MYO5A: variants seen among roughly 807,000 people sequenced by gnomAD.
MYO5A encodes the protein unconventional myosin-Va.
Under a neutral mutation model 249.7 loss-of-function variants are expected in MYO5A, and 98 were observed. The ratio of observed to expected loss-of-function variants is 0.39; its 90% CI spans 0.33 to 0.46. The LOEUF (loss-of-function observed/expected upper bound fraction) is 0.46, where lower values mean the gene tolerates loss of function less well. Ranked by LOEUF, MYO5A falls within the 20% of genes least tolerant of loss-of-function variation. MYO5A has a pLI of 0.98. For missense variants in MYO5A, 1,696 were observed against 2,308.8 expected (o/e 0.73, Z 5.44); for synonymous variants, 778 against 810.6 (o/e 0.96, Z 0.68).
chr15:52,458,495 C>G (rs144725435), intron 1 of MYO5A, among the ~76,000 whole-genome samples: 1 of 151,892 alleles, frequency 6.6e-6, no homozygotes, highest in African/African-American at 2.4e-5. Flanking sequence ...TGGCATGCAC[C>G]TGTAGTCCCC....
Position 52,501,845 on chromosome 15 carries a change from T to TAC in MYO5A, c.27+26933_27+26934dup, listed in dbSNP as rs1166403955. On this transcript the variant is annotated intron_variant, in intron 1 of 41. Transcript: ENST00000399233. ...AGTATAAACTTCCATAACATAGGCA[T>TAC]ACACACAGACACACACACACATACA... Among the ~76,000 whole-genome samples the TAC allele has an allele frequency of 3.5e-5, 5 of 144,702 alleles. No homozygotes were observed. In the South Asian group the frequency reaches 6.5e-4, roughly 19 times the overall value. 94.9% of individuals were successfully genotyped at this position (144,702 alleles called of 152,430 possible). A position where few individuals can be genotyped will look rare whatever the true frequency, so the allele number is the denominator to read the frequency against.
At chr15:52,484,690 G>A (rs1478408759) in intron 1 of MYO5A, among the ~76,000 whole-genome samples, 1 of 152,030 alleles carries the variant, frequency 6.6e-6, no homozygotes, top group Non-Finnish European at 1.5e-5. Context: ...TGTCCCCCAG[G>A]CTGGAGTGCA....
intron 1 of MYO5A, among the ~76,000 whole-genome samples, chr15:52,489,308 T>C (rs2076886598): frequency 6.6e-6 from 1 of 152,186 alleles, no homozygotes; most frequent in Non-Finnish European, 1.5e-5. Context: ...CTCATGCCTG[T>C]AATCCCAGCA....
intron 20 of MYO5A, among the ~76,000 whole-genome samples, chr15:52,374,183 G>A (rs7163778): frequency 0.88 from 134,277 of 152,132 alleles, 61,509 homozygotes; most frequent in Non-Finnish European, 1. Flanking sequence ...ATGGTCACAG[G>A]TGATAATTAA....
chr15:52,470,652 C>T (rs1369539967), intron 1 of MYO5A, among the ~76,000 whole-genome samples: 2 of 150,910 alleles, frequency 1.3e-5, no homozygotes, highest in Non-Finnish European at 3.0e-5. Context: ...CTCCATCCCC[C>T]CTCAAAAAAA....
At chr15:52,519,590 C>A in intron 1 of MYO5A, among the ~76,000 whole-genome samples, 1 of 149,142 alleles carries the variant, frequency 6.7e-6, no homozygotes. Context: ...CTAGTGTGGG[C>A]AACAGAACGA....
chr15:52,456,075 C>G (rs894111369), intron 1 of MYO5A, among the ~76,000 whole-genome samples: 2 of 151,834 alleles, frequency 1.3e-5, no homozygotes, highest in African/African-American at 4.8e-5. Context: ...AAAACGCCAC[C>G]AAATAAAACT....
intron 40 of MYO5A, 63 bp downstream of exon 40, chr15:52,316,985 A>T (rs2140915248): frequency 6.5e-7 from 1 of 1,544,062 alleles, no homozygotes; most frequent in East Asian, 2.2e-5. Flanking sequence ...GGACTTCTTT[A>T]CTTCCCTAAA....
chr15:52,527,624 T>C (rs1025720597), intron 1 of MYO5A, among the ~76,000 whole-genome samples: 15 of 152,226 alleles, frequency 9.9e-5, no homozygotes, highest in African/African-American at 3.6e-4. Flanking sequence ...CAAGTATAAT[T>C]AACTGCATTT....
intron 1 of MYO5A, among the ~76,000 whole-genome samples, chr15:52,516,713 G>A (rs554362599): frequency 2.6e-5 from 4 of 152,292 alleles, no homozygotes; most frequent in African/African-American, 9.6e-5. Flanking sequence ...TACAAAGCAG[G>A]TTGTTGATGC....
In MYO5A at chr15:52,428,276, A is replaced by G. The variant is rs1481002329; in HGVS notation, c.310+122T>C. 7 of 994,768 alleles carry G rather than the reference A, an allele frequency of 7.0e-6. No homozygotes were observed. The East Asian group carries it at 1.7e-4, about 25-fold the overall frequency. 61.6% of individuals were successfully genotyped at this position (994,768 alleles called of 1,614,324 possible). ...TGGTAAATCTTTCTGATAACGCTCA[A>G]GTGATTTTGTCTCTTAGAGAAAATC... On this transcript the variant is annotated intron_variant, in intron 3 of 41. Transcript: ENST00000399233.
In MYO5A at chr15:52,364,681, A is replaced by G. The variant is rs1000123517; in HGVS notation, c.3182T>C (p.Val1061Ala). The change falls in exon 24 of 42, where the codon GTA becomes GCA. Residue 1061 changes from valine (V) to alanine (A), a missense_variant. Transcript: ENST00000399233. ...GAGTTCCAGTTGTTTCGTTTCTTCTACTAACTTCTTCTCCATAGTTTCTGA... is the reference window on the plus strand; with the variant it reads ...GAGTTCCAGTTGTTTCGTTTCTTCTGCTAACTTCTTCTCCATAGTTTCTGA... ...EMTETMEKKL[V>A]EETKQLELDL... 3 of 1,613,824 alleles carry G rather than the reference A, an allele frequency of 1.9e-6. No individual in the cohort carries two copies. Among genetic ancestry groups the G allele is most frequent in the South Asian group, 1.1e-5 (1 of 91,074 alleles).
In MYO5A at chr15:52,340,497, A is replaced by G. The variant is rs1005237614; in HGVS notation, c.4041-103T>C. 7 of 974,786 alleles carry G rather than the reference A, an allele frequency of 7.2e-6. No homozygotes were observed. In the African/African-American group the frequency reaches 9.6e-5, roughly 13 times the overall value. 60.4% of individuals were successfully genotyped at this position (974,786 alleles called of 1,614,324 possible). On this transcript the variant is annotated intron_variant, in intron 31 of 41. Transcript: ENST00000399233. ...ACTTGCAAGAGTAGGAAAAGCAGAT[A>G]TTCTTTAGTATCTGTGTTATCTTCT...
intron 1 of MYO5A, among the ~76,000 whole-genome samples, chr15:52,460,539 G>A (rs2076226515): frequency 6.6e-6 from 1 of 152,188 alleles, no homozygotes; most frequent in Admixed American, 6.5e-5. Flanking sequence ...CCAGGCACTC[G>A]GCAGGCTGAG....
rs977668905 is a variant in MYO5A, at chr15:52,420,454, T to C, written c.456-4153A>G. Among the ~76,000 whole-genome samples, 8 of 152,134 alleles carry C rather than the reference T, an allele frequency of 5.3e-5. No homozygotes were observed. The South Asian group carries it at 8.3e-4, about 16-fold the overall frequency. ...GCCCCCTTCCTGTCTCTGTCTTACATGCTCTCTTCCCTTCCACCTTCCACC... is the reference window on the plus strand; with the variant it reads ...GCCCCCTTCCTGTCTCTGTCTTACACGCTCTCTTCCCTTCCACCTTCCACC... On this transcript the variant is annotated intron_variant, in intron 4 of 41. Transcript: ENST00000399233.
At chr15:52,527,009 G>A (rs188167572) in intron 1 of MYO5A, among the ~76,000 whole-genome samples, 1 of 147,504 alleles carries the variant, frequency 6.8e-6, no homozygotes, top group East Asian at 2.0e-4. Flanking sequence ...AATGATAAAT[G>A]ATGAGCTAAA....
At chr15:52,490,657 G>A (rs957808726) in intron 1 of MYO5A, among the ~76,000 whole-genome samples, 1 of 152,186 alleles carries the variant, frequency 6.6e-6, no homozygotes, top group African/African-American at 2.4e-5. Flanking sequence ...TGTTTAATGG[G>A]TACAGGGATA....
At chr15:52,433,986 GTTCT>G (rs1362040258) in intron 1 of MYO5A, among the ~76,000 whole-genome samples, 3 of 143,712 alleles carry the variant, frequency 2.1e-5, no homozygotes, top group Admixed American at 7.0e-5. Flanking sequence ...GGATTTTTTT[GTTCT>G]TTCTTTTTCT....
chr15:52,454,299 T>TGTTG (rs2076076950), intron 1 of MYO5A, among the ~76,000 whole-genome samples: 1 of 152,056 alleles, frequency 6.6e-6, no homozygotes, highest in Admixed American at 6.6e-5. Context: ...AAGGGATCAA[T>TGTTG]TAAGCAAGAA....
Sources: gnomAD v4.1 joint callset for allele counts (sites outside exome capture counted in the v4.1 genomes callset) on GRCh38, gnomAD v4.1.1 for gene constraint, MANE v1.5 for transcripts, NCBI Gene and HGNC (gene_info 2026-07-23, HGNC 2026-07-21) for gene names.